The following FREM1 variants were observed in gnomAD, a reference collection of about 807,000 sequenced individuals.
FREM1 encodes the protein FRAS1 related extracellular matrix 1.
In FREM1, 220 loss-of-function variants were observed where a neutral mutation model predicts 210.1. The observed-to-expected ratio is 1.05, with a 90% confidence interval of 0.94 to 1.17. The LOEUF is 1.17. Ranked by LOEUF, FREM1 falls within the 50% of genes most tolerant of loss-of-function variation. The pLI, the probability that FREM1 is intolerant of heterozygous loss-of-function variation, is 0.00. For synonymous variants in FREM1, 1,189 were observed against 980.2 expected (o/e 1.21, Z -3.98); for missense variants, 3,454 against 2,675.5 (o/e 1.29, Z -6.42).
At chr9:14,804,873 A>G in intron 19 of FREM1, 83 bp downstream of exon 19, 1 of 1,001,658 alleles carries the variant, frequency 1.0e-6, no homozygotes, top group Non-Finnish European at 1.6e-6. Context: ...GTGTTAATGC[A>G]CTTGGAGCAA....
chr9:14,747,533 G>T, intron 32 of FREM1, 105 bp from the exon 33 acceptor site: 2 of 1,230,576 alleles, frequency 1.6e-6, no homozygotes, highest in Non-Finnish European at 2.2e-6. Context: ...AAAGATAAGA[G>T]GATTTGTTTC....
intron 1 of FREM1, among the ~76,000 whole-genome samples, chr9:14,884,244 A>AAAAAGAG (rs1377571760): frequency 6.6e-6 from 1 of 152,200 alleles, no homozygotes; most frequent in African/African-American, 2.4e-5. Context: ...AGAAAAAAGA[A>AAAAAGAG]AAAAAGAAAA....
Position 14,800,509 on chromosome 9 carries a change from A to T in FREM1, c.3694+1143T>A, listed in dbSNP as rs138566430. On this transcript the variant is annotated intron_variant, in intron 20 of 36. Coordinates refer to ENST00000380880, the MANE Select transcript of FREM1 (RefSeq NM_001379081.2). ...GTGCCATTTCTCTAAAGAGTAAATT[A>T]TCCCCTCAGAAAATAATGAGCATTA... Among the ~76,000 whole-genome samples, 107 of 152,342 alleles carry T rather than the reference A, an allele frequency of 7.0e-4. 1 individual carries two copies. The highest frequency in any genetic ancestry group is 2.5e-3 in the African/African-American group (103 of 41,586).
In FREM1 at chr9:14,749,414, G is replaced by A. The variant is rs746738603; in HGVS notation, c.5557+713C>T. On this transcript the variant is annotated intron_variant, in intron 30 of 36. Coordinates refer to ENST00000380880, the MANE Select transcript of FREM1 (RefSeq NM_001379081.2). ...AGAGAAGAGAAGGGAATAGATTCCA[G>A]GCAAGAAAAAAATATGGACCACAGG... Among the ~76,000 whole-genome samples, 105 of 152,028 alleles carry A rather than the reference G, an allele frequency of 6.9e-4. 2 individuals are homozygous for A. The highest frequency in any genetic ancestry group is 1.4e-3 in the Non-Finnish European group (96 of 68,006).
At chr9:14,885,414 C>T (rs1006000498) in intron 1 of FREM1, among the ~76,000 whole-genome samples, 7 of 151,830 alleles carry the variant, frequency 4.6e-5, no homozygotes, top group African/African-American at 1.7e-4. Flanking sequence ...TTATGATGTA[C>T]AACATGATTT....
At chr9:14,765,887 G>T (rs150030617) in intron 27 of FREM1, among the ~76,000 whole-genome samples, 1 of 152,196 alleles carries the variant, frequency 6.6e-6, no homozygotes, top group African/African-American at 2.4e-5. Flanking sequence ...CCACGTAGAA[G>T]CTGTATTAGG....
intron 1 of FREM1, 118 bp from the exon 2 acceptor site, chr9:14,869,362 A>T (rs1832143904): frequency 5.7e-6 from 1 of 175,626 alleles, no homozygotes; most frequent in South Asian, 1.6e-4. Flanking sequence ...GTTCAGCTAA[A>T]TTAAAAACAA....
chr9:14,882,164 C>T (rs1462464265), intron 1 of FREM1, among the ~76,000 whole-genome samples: 3 of 152,080 alleles, frequency 2.0e-5, no homozygotes, highest in Non-Finnish European at 4.4e-5. Flanking sequence ...TTAATAATCA[C>T]TTCTTCTTCA....
At chr9:14,908,010 C>T (rs1237943867) in intron 1 of FREM1, among the ~76,000 whole-genome samples, 7 of 152,126 alleles carry the variant, frequency 4.6e-5, no homozygotes, top group Non-Finnish European at 1.0e-4. Context: ...ATTCTGAAAT[C>T]CTTAAAAACT....
At chr9:14,748,025 A>G (rs982644508) in intron 31 of FREM1, among the ~76,000 whole-genome samples, 1 of 152,194 alleles carries the variant, frequency 6.6e-6, no homozygotes, top group African/African-American at 2.4e-5. Flanking sequence ...GCGTGTGCAC[A>G]TATGAGAGTA....
chr9:14,860,240 C>A (rs573701840), intron 3 of FREM1, among the ~76,000 whole-genome samples: 7 of 152,072 alleles, frequency 4.6e-5, no homozygotes, highest in Non-Finnish European at 1.0e-4. Flanking sequence ...GGAAGAAACT[C>A]AGGCATAACG....
chr9:14,905,655 G>A (rs540807521), intron 1 of FREM1, among the ~76,000 whole-genome samples: 10 of 152,322 alleles, frequency 6.6e-5, no homozygotes, highest in East Asian at 1.9e-4. Context: ...TTGGGAGGCC[G>A]AGGCTGGCGG....
chr9:14,902,514 G>C (rs1442404194), intron 1 of FREM1, among the ~76,000 whole-genome samples: 1 of 152,122 alleles, frequency 6.6e-6, no homozygotes, highest in Non-Finnish European at 1.5e-5. Context: ...TCTACTGGGG[G>C]TAAATGAAGA....
intron 29 of FREM1, among the ~76,000 whole-genome samples, chr9:14,752,641 T>G (rs933510117): frequency 6.6e-6 from 1 of 152,208 alleles, no homozygotes; most frequent in African/African-American, 2.4e-5. Flanking sequence ...CATAGACAGC[T>G]GCTGTAATAC....
At chr9:14,759,742 G>C in intron 28 of FREM1, 30 bp downstream of exon 28, 2 of 1,534,534 alleles carry the variant, frequency 1.3e-6, no homozygotes, top group Non-Finnish European at 1.8e-6. Flanking sequence ...ATAAGTTTTA[G>C]CTTGATAATT....
chr9:14,745,069 C>G (rs562558300), intron 35 of FREM1, among the ~76,000 whole-genome samples: 1 of 152,184 alleles, frequency 6.6e-6, no homozygotes, highest in South Asian at 2.1e-4. Flanking sequence ...ATGATGAGAA[C>G]ACATGGACAC....
chr9:14,773,421 A>T (rs907766217), intron 25 of FREM1, among the ~76,000 whole-genome samples: 3 of 152,206 alleles, frequency 2.0e-5, no homozygotes, highest in African/African-American at 7.2e-5. Context: ...GGTGATCAAC[A>T]TCCATATTGT....
rs532412454 is a variant in FREM1 at position 14,841,553 on chromosome 9, A to C, written c.1775T>G (p.Phe592Cys). The change falls in exon 10 of 37, where the codon TTT (phenylalanine) becomes TGT (cysteine). Residue 592 changes from phenylalanine to cysteine, a missense_variant. Coordinates refer to ENST00000380880, the MANE Select transcript of FREM1 (RefSeq NM_001379081.2). ...ATGACGATAATAAATGATTCCATTA[A>C]ACAAATCCCTCTGAAGGAAGCCATG... ...PVHGFLQRDL[F>C]NGIIYYRHFG... 4.8e-5 allele frequency: 78 copies of C among 1,611,750 alleles called. No individual in the cohort carries two copies. The highest frequency in any genetic ancestry group is 1.7e-4 in the Middle Eastern group (1 of 6,056).
chr9:14,835,655 C>T (rs1824430984), intron 10 of FREM1, among the ~76,000 whole-genome samples: 1 of 152,150 alleles, frequency 6.6e-6, no homozygotes, highest in Non-Finnish European at 1.5e-5. Flanking sequence ...GGATACAAAC[C>T]CATGGCTGGG....
Sources: gnomAD v4.1 joint callset for allele counts (sites outside exome capture counted in the v4.1 genomes callset) on GRCh38, gnomAD v4.1.1 for gene constraint, MANE v1.5 for transcripts, NCBI Gene and HGNC (gene_info 2026-07-23, HGNC 2026-07-21) for gene names.